The following ANGPT4 variants were observed in gnomAD, a reference collection of about 807,000 sequenced individuals.
ANGPT4 encodes the protein angiopoietin-4.
In ANGPT4, 50 loss-of-function variants were observed where a neutral mutation model predicts 53.0. The observed-to-expected ratio is 0.94, with a 90% CI of 0.75 to 1.20. The LOEUF is 1.20. ANGPT4 is among the 50% of genes most tolerant of loss of function. ANGPT4 has a pLI of 0.00. For missense variants in ANGPT4, 648 were observed against 637.1 expected, an observed-to-expected ratio of 1.02 and a Z score of -0.18; for synonymous variants, 251 against 259.7, an observed-to-expected ratio of 0.97 and a Z score of 0.32.
chr20:880,399 A>G (rs1981355829), intron 5 of ANGPT4, among the ~76,000 whole-genome samples: 1 of 152,150 alleles, frequency 6.6e-6, no homozygotes, highest in African/African-American at 2.4e-5. Flanking sequence ...AGCCTGGGAA[A>G]CACAGGGAGA....
intron 1 of ANGPT4, among the ~76,000 whole-genome samples, chr20:915,233 C>G (rs897140019): frequency 4.6e-5 from 7 of 151,998 alleles, no homozygotes; most frequent in East Asian, 1.9e-4. Context: ...GGCCCCCCCC[C>G]CAGCTGCATG....
intron 1 of ANGPT4, among the ~76,000 whole-genome samples, chr20:900,994 C>G (rs1982262727): frequency 6.6e-6 from 1 of 152,108 alleles, no homozygotes; most frequent in Non-Finnish European, 1.5e-5. Flanking sequence ...TCTAACAACC[C>G]CACAATGTCA....
chr20:884,494 T>G (rs1427026047), intron 4 of ANGPT4, among the ~76,000 whole-genome samples: 1 of 152,188 alleles, frequency 6.6e-6, no homozygotes, highest in Non-Finnish European at 1.5e-5. Context: ...CAAGAATGCC[T>G]TGGACACCCC....
intron 5 of ANGPT4, 76 bp from the exon 6 acceptor site, chr20:879,924 G>A: frequency 1.8e-6 from 2 of 1,109,634 alleles, no homozygotes; most frequent in Non-Finnish European, 2.6e-6. Flanking sequence ...GCCCAAATGT[G>A]GCTAAGCAGA....
chr20:907,737 G>A (rs1982530298), intron 1 of ANGPT4, among the ~76,000 whole-genome samples: 1 of 152,176 alleles, frequency 6.6e-6, no homozygotes, highest in South Asian at 2.1e-4. Context: ...AAGGCCTCTT[G>A]GCTAGAGTGA....
chr20:888,368 G>GT lies in ANGPT4; in HGVS notation c.536dup (p.Asn179LysfsTer96). Reference sequence around the variant, plus strand: ...GCTTCTGCCTCTGTAGCAGCAGCTGGTTCTCCAGCTTGTTGGTGGACAGAA... The same window carrying GT: ...GCTTCTGCCTCTGTAGCAGCAGCTGGTTTCTCCAGCTTGTTGGTGGACAGAA... On this transcript the variant is annotated frameshift_variant, in exon 3 of 9. Transcript: ENST00000381922. LOFTEE classifies it high-confidence loss of function. 6.2e-6 allele frequency: 10 copies of GT among 1,613,896 alleles called. No individual in the cohort carries two copies. The highest frequency in any genetic ancestry group is 8.5e-6 in the Non-Finnish European group (10 of 1,179,978).
At chr20:905,480 G>A (rs1004560632) in intron 1 of ANGPT4, among the ~76,000 whole-genome samples, 48 of 152,236 alleles carry the variant, frequency 3.2e-4, no homozygotes, top group African/African-American at 1.1e-3. Context: ...AGCCACTGCT[G>A]GAGCCTGTGA....
rs972120659 is a variant in ANGPT4 at position 911,238 on chromosome 20, G to A, written c.309+4668C>T. ...GGCAGGGCCTCACAACTGCCAGGCC[G>A]AGGGGCCCAGTTATTCTGAGGTTTG... On this transcript the variant is annotated intron_variant, in intron 1 of 8. Transcript: ENST00000381922. The surrounding 1 kb of genome is among the most constrained non-coding windows in gnomAD (Gnocchi z 4.9). 5.3e-5 allele frequency among the ~76,000 whole-genome samples: 8 copies of A among 152,222 alleles called. No individual in the cohort carries two copies. The highest frequency in any genetic ancestry group is 9.6e-5 in the African/African-American group (4 of 41,462).
At chr20:903,947 A>G (rs59259844) in intron 1 of ANGPT4, among the ~76,000 whole-genome samples, 12,724 of 152,180 alleles carry the variant, frequency 0.084, 1,472 homozygotes, top group African/African-American at 0.26. Context: ...CACAGATGGG[A>G]AAACTGAGGT....
intron 1 of ANGPT4, among the ~76,000 whole-genome samples, chr20:902,670 T>G (rs1982331096): frequency 6.6e-6 from 1 of 152,230 alleles, no homozygotes; most frequent in African/African-American, 2.4e-5. Flanking sequence ...GGCAATTTGT[T>G]TCCTTTATAA....
In ANGPT4 at chr20:914,308, G is replaced by A. The variant is rs11087800; in HGVS notation, c.309+1598C>T. ...CAGCAGAGGGACAAAGGGTGGAAGA[G>A]GAAGGTGGTTATTTCGTACGGGGAG... On this transcript the variant is annotated intron_variant, in intron 1 of 8. Coordinates refer to ENST00000381922, the MANE Select transcript of ANGPT4 (RefSeq NM_015985.4). The surrounding 1 kb of genome is among the most constrained non-coding windows in gnomAD (Gnocchi z 5.0). Among the ~76,000 whole-genome samples, 33,498 of 152,054 alleles carry A rather than the reference G, an allele frequency of 0.22. 3,786 individuals carry two copies. The highest frequency in any genetic ancestry group is 0.26 in the East Asian group (1,319 of 5,162).
At chr20:889,175 C>T (rs989630213) in intron 2 of ANGPT4, among the ~76,000 whole-genome samples, 2 of 151,764 alleles carry the variant, frequency 1.3e-5, no homozygotes, top group East Asian at 1.9e-4. Flanking sequence ...AGCTCTCATC[C>T]CCCCCCACCA....
intron 4 of ANGPT4, among the ~76,000 whole-genome samples, chr20:881,577 G>C (rs1013745657): frequency 6.6e-6 from 1 of 152,210 alleles, no homozygotes; most frequent in Non-Finnish European, 1.5e-5. Flanking sequence ...ACAGGGCATG[G>C]GGAGGGGAAC....
At chr20:892,088 C>A (rs1981869973) in intron 1 of ANGPT4, among the ~76,000 whole-genome samples, 1 of 151,766 alleles carries the variant, frequency 6.6e-6, no homozygotes, top group African/African-American at 2.4e-5. Context: ...ATCAGCCCAC[C>A]CCCTCCCTGC....
At chr20:883,100 C>T (rs1442104127) in intron 4 of ANGPT4, among the ~76,000 whole-genome samples, 1 of 152,144 alleles carries the variant, frequency 6.6e-6, no homozygotes, top group East Asian at 1.9e-4. Context: ...ATTATTATTC[C>T]CGTTTTACAA....
rs186323681 is a variant in ANGPT4, at chr20:900,409, C to G, written c.310-10041G>C. Among the ~76,000 whole-genome samples the G allele has an allele frequency of 1.7e-4, 26 of 152,304 alleles. No homozygotes were observed. The East Asian group carries it at 4.2e-3, about 25-fold the overall frequency. ...GTCTGGGTACAAGAAACCTTTAGTACTCCTTCTCATCTTTTTACTTTGCAT... is the reference window on the plus strand; with the variant it reads ...GTCTGGGTACAAGAAACCTTTAGTAGTCCTTCTCATCTTTTTACTTTGCAT... On this transcript the variant is annotated intron_variant, in intron 1 of 8. Coordinates refer to ENST00000381922, the MANE Select transcript of ANGPT4 (RefSeq NM_015985.4).
In ANGPT4 at chr20:885,330, G is replaced by T; in HGVS notation, c.588-5C>A. ...TGCAACCGCTTCTCGAGCGCGCTGC[G>T]GGGTAGGGGGCGCACAGAGGTGAGC... On this transcript the variant is annotated splice_region_variant and splice_polypyrimidine_tract_variant and intron_variant, in intron 3 of 8. Coordinates refer to ENST00000381922, the MANE Select transcript of ANGPT4 (RefSeq NM_015985.4). The T allele has an allele frequency of 6.4e-7, 1 of 1,574,798 alleles. No homozygotes were observed. Among genetic ancestry groups the T allele is most frequent in the Non-Finnish European group, 8.6e-7 (1 of 1,166,270 alleles).
At chr20:912,516 G>T (rs538854724) in intron 1 of ANGPT4, among the ~76,000 whole-genome samples, 1 of 152,308 alleles carries the variant, frequency 6.6e-6, no homozygotes, top group Non-Finnish European at 1.5e-5. Context: ...CCATATGAGC[G>T]GGGTGGAGCA....
chr20:915,232 C>CG (rs969802305), intron 1 of ANGPT4, among the ~76,000 whole-genome samples: 15 of 151,982 alleles, frequency 9.9e-5, no homozygotes, highest in African/African-American at 2.2e-4. Context: ...TGGCCCCCCC[C>CG]CCAGCTGCAT....
Sources: allele counts gnomAD v4.1 joint callset (sites outside exome capture counted in the v4.1 genomes callset), GRCh38; gene constraint gnomAD v4.1.1; non-coding constraint Gnocchi (gnomAD v3.1); transcripts MANE v1.5; gene names NCBI Gene and HGNC (gene_info 2026-07-23, HGNC 2026-07-21).